DOC2B: variants seen among roughly 807,000 people sequenced by gnomAD.
DOC2B encodes double C2 domain beta.
Under a neutral mutation model 28.9 loss-of-function variants are expected in DOC2B, and 21 were observed. The observed-to-expected ratio is 0.73, with a 90% CI of 0.52 to 1.05. The LOEUF is 1.05. DOC2B is among the 50% of genes least tolerant of loss of function. The pLI, the probability that DOC2B is intolerant of heterozygous loss-of-function variation, is 0.00. For missense variants in DOC2B, 384 were observed against 421.1 expected, an observed-to-expected ratio of 0.91 and a Z score of 0.77; for synonymous variants, 194 against 178.1, an observed-to-expected ratio of 1.09 and a Z score of -0.71.
rs1035854453 is a variant in DOC2B, at chr17:143,949, G to C, written c.*3492C>G. The C allele has an allele frequency of 6.6e-6, 1 of 152,454 alleles. No homozygotes were observed. The highest frequency in any genetic ancestry group is 1.5e-5 in the Non-Finnish European group (1 of 68,046). 9.4% of individuals were successfully genotyped at this position (152,454 alleles called of 1,614,324 possible). A position where few individuals can be genotyped will look rare whatever the true frequency, so the allele number is the denominator to read the frequency against. ...GGTTTGCGAAGGAACAACGGGCTCG[G>C]CATGCACGGCCCGGGCTCGGCGGGC... is the stretch of plus-strand genomic sequence containing the variant. On this transcript the variant is annotated 3_prime_UTR_variant, in exon 9 of 9. Transcript: ENST00000613549.
In DOC2B at chr17:144,511, C is replaced by T. The variant is rs1025515479; in HGVS notation, c.*2930G>A. ...CTGACCTCAGGTGATCCGCCAGCCT[C>T]GGCCTCCCAAAGTGCTGCAATTACA... On this transcript the variant is annotated 3_prime_UTR_variant, in exon 9 of 9. Coordinates refer to ENST00000613549, the MANE Select transcript of DOC2B (RefSeq NM_003585.5). The T allele has an allele frequency of 2.0e-5, 3 of 152,384 alleles. No individual in the cohort carries two copies. Among genetic ancestry groups the T allele is most frequent in the Middle Eastern group, 3.4e-3 (1 of 296 alleles). 9.4% of individuals were successfully genotyped at this position (152,384 alleles called of 1,614,324 possible). A position where few individuals can be genotyped will look rare whatever the true frequency, so the allele number is the denominator to read the frequency against.
chr17:144,619 G>A lies in DOC2B; in HGVS notation c.*2822C>T, dbSNP rs1321678657. The stretch of plus-strand genomic sequence containing the variant: ...AAAAGGGTGCTGAGATCCTAGGGAA[G>A]GAAGGATCCAAACTTCCTGGGGAGT... On this transcript the variant is annotated 3_prime_UTR_variant, in exon 9 of 9. Coordinates refer to ENST00000613549, the MANE Select transcript of DOC2B (RefSeq NM_003585.5). The A allele has an allele frequency of 1.3e-5, 2 of 152,282 alleles. No homozygotes were observed. Among genetic ancestry groups the A allele is most frequent in the African/African-American group, 4.8e-5 (2 of 41,472 alleles). 9.4% of individuals were successfully genotyped at this position (152,282 alleles called of 1,614,324 possible).
At chr17:161,055 C>T (rs1164791501) in intron 5 of DOC2B, among the ~76,000 whole-genome samples, 8 of 152,122 alleles carry the variant, frequency 5.3e-5, no homozygotes, top group Non-Finnish European at 7.3e-5. Flanking sequence ...ACATCTGGTT[C>T]AGAATCAAGC....
intron 6 of DOC2B, among the ~76,000 whole-genome samples, chr17:151,838 C>T (rs916365284): frequency 1.3e-5 from 2 of 152,224 alleles, no homozygotes; most frequent in Non-Finnish European, 2.9e-5. Context: ...CACCAGACTT[C>T]CACGACAGGC....
intron 6 of DOC2B, among the ~76,000 whole-genome samples, chr17:152,067 G>A (rs2040078272): frequency 6.6e-6 from 1 of 152,130 alleles, no homozygotes; most frequent in South Asian, 2.1e-4. Flanking sequence ...CAGGACAGTG[G>A]TCCTGGCCAC....
chr17:164,405 T>C (rs1437123647), intron 2 of DOC2B, among the ~76,000 whole-genome samples: 1 of 152,144 alleles, frequency 6.6e-6, no homozygotes, highest in Non-Finnish European at 1.5e-5. Context: ...CAAAACATCC[T>C]GGCCCAGGGC....
At chr17:165,658 C>T (rs1555523805) in intron 2 of DOC2B, among the ~76,000 whole-genome samples, 3 of 152,052 alleles carry the variant, frequency 2.0e-5, no homozygotes, top group African/African-American at 7.2e-5. Context: ...CTGCTGGGTG[C>T]ATCTGAGCTG....
At chr17:151,080 G>A (rs2040067473) in intron 6 of DOC2B, among the ~76,000 whole-genome samples, 1 of 152,168 alleles carries the variant, frequency 6.6e-6, no homozygotes. Flanking sequence ...GTCCCAGCCT[G>A]GGTGATACAG....
intron 1 of DOC2B, among the ~76,000 whole-genome samples, chr17:179,398 C>CAAAAAAAAAAAAAAAA (rs770987974): frequency 7.2e-6 from 1 of 139,026 alleles, no homozygotes; most frequent in Non-Finnish European, 1.5e-5. Flanking sequence ...TCAGAGACAG[C>CAAAAAAAAAAAAAAAA]AAAAAAAAGA....
chr17:172,535 A>G lies in DOC2B; in HGVS notation c.453+2T>C. ...ATTTGGGGGCAGGCTGGCGGGGCCT[A>G]CCTTGGCCTTGGTGATGGTGCAGTG... is the stretch of plus-strand genomic sequence containing the variant. On this transcript the variant is annotated splice_donor_variant, in intron 2 of 8. Transcript: ENST00000613549. LOFTEE classifies it high-confidence loss of function. 3 of 1,550,476 alleles carry G rather than the reference A, an allele frequency of 1.9e-6. No individual in the cohort carries two copies. Among genetic ancestry groups the G allele is most frequent in the South Asian group, 1.2e-5 (1 of 84,008 alleles).
chr17:159,366 C>T (rs2040173508), intron 5 of DOC2B, among the ~76,000 whole-genome samples: 1 of 152,176 alleles, frequency 6.6e-6, no homozygotes, highest in South Asian at 2.1e-4. Flanking sequence ...TGGCGCACAC[C>T]TGTAATCCCA....
rs1263107587 is a variant in DOC2B, at chr17:144,198, G to A, written c.*3243C>T. 1 of 152,362 alleles carries A rather than the reference G, an allele frequency of 6.6e-6. No individual in the cohort carries two copies. The highest frequency in any genetic ancestry group is 6.6e-5 in the Admixed American group (1 of 15,256). 9.4% of individuals were successfully genotyped at this position (152,362 alleles called of 1,614,324 possible). Reference sequence around the variant, plus strand: ...CTGTCTTTGTGGGGATGATGGACCCGAGTAAAGATGCCCATTCGGGGTCAA... The same window carrying A: ...CTGTCTTTGTGGGGATGATGGACCCAAGTAAAGATGCCCATTCGGGGTCAA... On this transcript the variant is annotated 3_prime_UTR_variant, in exon 9 of 9. Coordinates refer to ENST00000613549, the MANE Select transcript of DOC2B (RefSeq NM_003585.5).
intron 1 of DOC2B, among the ~76,000 whole-genome samples, chr17:176,422 C>T (rs536312254): frequency 9.9e-5 from 15 of 152,138 alleles, no homozygotes; most frequent in South Asian, 4.2e-4. Context: ...GGTCTCACTA[C>T]GTTGCTCAGG....
intron 6 of DOC2B, among the ~76,000 whole-genome samples, chr17:150,735 G>A (rs979346090): frequency 1.3e-5 from 2 of 152,196 alleles, no homozygotes; most frequent in Admixed American, 1.3e-4. Flanking sequence ...GTTCATTGCA[G>A]CTTTCTACCA....
At chr17:163,999 G>A (rs2040233138) in intron 3 of DOC2B, 131 bp downstream of exon 3, 1 of 673,596 alleles carries the variant, frequency 1.5e-6, no homozygotes, top group South Asian at 1.8e-5. Context: ...GGACTCTGAG[G>A]GGAGTGGCAG....
rs2040003064 is a variant in DOC2B, at chr17:144,102, C to CT, written c.*3338_*3339insA. ...GCGGGGCGGCGGGCGGGGCGGCGGG[C>CT]GGGGCGGCGCTGGAGGCAGCGCCTG... On this transcript the variant is annotated 3_prime_UTR_variant, in exon 9 of 9. Coordinates refer to ENST00000613549, the MANE Select transcript of DOC2B (RefSeq NM_003585.5). 1.1e-4 allele frequency: 3 copies of CT among 26,944 alleles called. No individual in the cohort carries two copies. Among genetic ancestry groups the CT allele is most frequent in the Admixed American group, 1.0e-3 (3 of 2,876 alleles). The allele number at this position is 26,944 out of a possible 1,614,324, so 1.7% of individuals were successfully genotyped here.
rs2039999450 is a variant in DOC2B at position 143,753 on chromosome 17, G to A, written c.*3688C>T. The A allele has an allele frequency of 1.3e-5, 2 of 151,798 alleles. No individual in the cohort carries two copies. 9.4% of individuals were successfully genotyped at this position (151,798 alleles called of 1,614,324 possible). ...TGTCATTATAAATATTAACAAATAA[G>A]ACTTAAAAAGGACACCTTCGGGTAG... On this transcript the variant is annotated 3_prime_UTR_variant, in exon 9 of 9. Coordinates refer to ENST00000613549, the MANE Select transcript of DOC2B (RefSeq NM_003585.5).
At chr17:172,298 C>A (rs2040321727) in intron 2 of DOC2B, among the ~76,000 whole-genome samples, 1 of 151,836 alleles carries the variant, frequency 6.6e-6, no homozygotes, top group Non-Finnish European at 1.5e-5. Context: ...AGGCCTTCAT[C>A]TTCCCATTCT....
intron 5 of DOC2B, among the ~76,000 whole-genome samples, chr17:157,019 C>G (rs1303811490): frequency 6.6e-6 from 1 of 152,278 alleles, no homozygotes; most frequent in Non-Finnish European, 1.5e-5. Flanking sequence ...CGTGATGCTT[C>G]TCTATGGCTG....
Sources: gnomAD v4.1 joint callset for allele counts (sites outside exome capture counted in the v4.1 genomes callset) on GRCh38, gnomAD v4.1.1 for gene constraint, MANE v1.5 for transcripts, NCBI Gene and HGNC (gene_info 2026-07-23, HGNC 2026-07-21) for gene names.